Variants in TUBGCP5 observed in about 807,000 individuals in gnomAD.
The protein encoded by TUBGCP5 is tubulin gamma complex component 5.
In TUBGCP5, 98 loss-of-function variants were observed where a neutral mutation model predicts 134.7. That is an observed-to-expected ratio of 0.73 (90% confidence interval 0.62 to 0.86). The LOEUF (loss-of-function observed/expected upper bound fraction) is 0.86. TUBGCP5 is among the 40% of genes least tolerant of loss of function. The pLI is 0.00. For synonymous variants in TUBGCP5, 456 were observed against 431.4 expected (o/e 1.06, Z -0.71); for missense variants, 1,150 against 1,244.8 (o/e 0.92, Z 1.15).
intron 23 of TUBGCP5, among the ~76,000 whole-genome samples, chr15:22,989,577 T>C (rs1371573195): frequency 6.6e-6 from 1 of 152,204 alleles, no homozygotes; most frequent in African/African-American, 2.4e-5. Flanking sequence ...AGGGTCTCAC[T>C]TTGTTGTCCA....
rs954308671 is a variant in TUBGCP5 at position 23,013,401 on chromosome 15, G to A, written c.1757-2070C>T. Among the ~76,000 whole-genome samples the A allele has an allele frequency of 4.6e-5, 7 of 151,824 alleles. No individual in the cohort carries two copies. Among genetic ancestry groups the A allele is most frequent in the African/African-American group, 9.7e-5 (4 of 41,320 alleles). On this transcript the variant is annotated intron_variant, in intron 13 of 22. Coordinates refer to ENST00000615383, the MANE Select transcript of TUBGCP5 (RefSeq NM_052903.6). This position sits in a 1 kb window ranked among gnomAD's most constrained non-coding sequence, Gnocchi z 4.5. ...GCGAAGTTCGCAGTGAGCCGAGATC[G>A]CGCCGCTGCACTCCAGCCTGGGCGA...
chr15:23,022,289 C>A, intron 10 of TUBGCP5, 128 bp from the exon 11 acceptor site: 1 of 896,938 alleles, frequency 1.1e-6, no homozygotes, highest in Non-Finnish European at 1.8e-6. Flanking sequence ...GGATTTTAAT[C>A]TCATACCACA....
chr15:22,995,980 C>T (rs1255193989), downstream of TUBGCP5, among the ~76,000 whole-genome samples: 1 of 152,146 alleles, frequency 6.6e-6, no homozygotes, highest in African/African-American at 2.4e-5. Context: ...AGCTGAACTG[C>T]ATTCCACTGC....
intron 15 of TUBGCP5, among the ~76,000 whole-genome samples, chr15:23,009,273 A>ATTT (rs536559427): frequency 0.13 from 19,360 of 145,302 alleles, 1,638 homozygotes; most frequent in East Asian, 0.44. Context: ...AATTGCCATA[A>ATTT]TTTTTTTTTT....
At chr15:23,011,095 C>T (rs938429263) in intron 14 of TUBGCP5, 38 bp downstream of exon 14, 2 of 1,596,908 alleles carry the variant, frequency 1.3e-6, no homozygotes, top group Non-Finnish European at 1.7e-6. Flanking sequence ...ACAAATGATG[C>T]CATTTCAATT....
At chr15:23,016,992 A>G (rs528076957) in intron 13 of TUBGCP5, among the ~76,000 whole-genome samples, 4 of 148,338 alleles carry the variant, frequency 2.7e-5, no homozygotes, top group Non-Finnish European at 6.0e-5. Flanking sequence ...ATATATGTAT[A>G]TATCTTGAAG....
chr15:23,026,802 A>G (rs6606799), intron 7 of TUBGCP5, among the ~76,000 whole-genome samples: 20,416 of 151,940 alleles, frequency 0.13, 1,796 homozygotes, highest in East Asian at 0.46. Flanking sequence ...GCATGGTGGC[A>G]TGCACCTATA....
At chr15:23,033,355 G>T (rs186553242) in intron 3 of TUBGCP5, among the ~76,000 whole-genome samples, 1 of 151,590 alleles carries the variant, frequency 6.6e-6, no homozygotes, top group Non-Finnish European at 1.5e-5. Context: ...TCAGCTCACC[G>T]CAACCTCAGC....
In TUBGCP5 at chr15:23,005,745, G is replaced by A. The variant is rs559344500; in HGVS notation, c.2534-135C>T. The A allele has an allele frequency of 6.5e-4, 591 of 907,716 alleles. 15 individuals carry two copies. In the South Asian group the frequency reaches 8.6e-3, roughly 13 times the overall value. The allele number at this position is 907,716 out of a possible 1,614,324, so 56.2% of individuals were successfully genotyped here. A position where few individuals can be genotyped will look rare whatever the true frequency, so the allele number is the denominator to read the frequency against. On this transcript the variant is annotated intron_variant, in intron 18 of 22. Coordinates refer to ENST00000615383, the MANE Select transcript of TUBGCP5 (RefSeq NM_052903.6). ...AGCACTGGCAGGGGTGGCAGGAACC[G>A]AACCTCAGTGCCTCTGGAAGGTGCA...
intron 5 of TUBGCP5, among the ~76,000 whole-genome samples, chr15:23,031,274 G>A (rs2066293841): frequency 1.3e-5 from 2 of 151,642 alleles, no homozygotes; most frequent in Non-Finnish European, 2.9e-5. Context: ...AAAGTCCCAA[G>A]ATCACAGGTC....
At chr15:23,024,376 T>C in intron 9 of TUBGCP5, 183 bp from the exon 10 acceptor site, 1 of 614,918 alleles carries the variant, frequency 1.6e-6, no homozygotes. Flanking sequence ...GAACAATAAT[T>C]TCAACAGACT....
In TUBGCP5 at chr15:23,022,151, TA is replaced by T. The variant is rs779540642; in HGVS notation, c.1178del (p.Ile393LysfsTer5). 8 of 1,613,994 alleles carry T rather than the reference TA, an allele frequency of 5.0e-6. No individual in the cohort carries two copies. Among genetic ancestry groups the T allele is most frequent in the Non-Finnish European group, 8.5e-7 (1 of 1,179,978 alleles). ...EKCIINNDTT[I>X]TLAIVVDKLA... ...ACTTGTCCACCACTATTGCAAGAGT[TA>T]TTGTAGTATCTGCAAATATCAATAA... On this transcript the variant is annotated frameshift_variant, in exon 11 of 23. Transcript: ENST00000615383. LOFTEE classifies it high-confidence loss of function.
intron 15 of TUBGCP5, among the ~76,000 whole-genome samples, chr15:23,009,490 G>A (rs562152631): frequency 5.3e-5 from 8 of 152,000 alleles, no homozygotes; most frequent in South Asian, 4.2e-4. Flanking sequence ...GGATGCTCTC[G>A]ATCTCCTGAT....
intron 3 of TUBGCP5, among the ~76,000 whole-genome samples, chr15:23,033,125 G>C (rs1472004468): frequency 1.3e-5 from 2 of 152,032 alleles, no homozygotes; most frequent in Non-Finnish European, 2.9e-5. Flanking sequence ...TAACATTATG[G>C]TTAAAAATTA....
chr15:23,039,389 G>T lies in TUBGCP5; in HGVS notation c.146+9C>A. 6.9e-7 allele frequency: 1 copy of T among 1,449,820 alleles called. No homozygotes were observed. The highest frequency in any genetic ancestry group is 9.2e-7 in the Non-Finnish European group (1 of 1,089,404). 89.8% of individuals were successfully genotyped at this position (1,449,820 alleles called of 1,614,324 possible). The stretch of plus-strand genomic sequence containing the variant: ...GGCCGGGAACCCGCCCGCGCGCCGT[G>T]CCCCACACCTGAAGTTGGACCAGGC... On this transcript the variant is annotated intron_variant, in intron 1 of 22. Transcript: ENST00000615383.
At chr15:22,985,357 T>G (rs1490785422) in intron 23 of TUBGCP5, among the ~76,000 whole-genome samples, 1 of 149,380 alleles carries the variant, frequency 6.7e-6, no homozygotes, top group Non-Finnish European at 1.5e-5. Context: ...TAGCTGGGAT[T>G]ACAGGCATGC....
At position 23,005,456 on chromosome 15, in the gene TUBGCP5, G is replaced by A; in HGVS notation, c.2688C>T (p.Ser896=). 1 of 1,614,138 alleles carries A rather than the reference G, an allele frequency of 6.2e-7. No homozygotes were observed. Among genetic ancestry groups the A allele is most frequent in the Non-Finnish European group, 8.5e-7 (1 of 1,180,008 alleles). The change falls in exon 19 of 23, where the codon AGC becomes AGT. Residue 896 remains serine, a synonymous_variant. Coordinates refer to ENST00000615383, the MANE Select transcript of TUBGCP5 (RefSeq NM_052903.6). The part of the protein sequence containing the change: ...LRVKLMHFVN[S]LHNYIMTRIL... Reference sequence around the variant, plus strand: ...CCCTGGTCATGATGTAGTTGTGCAAGCTGTTCACGAAATGCATGAGCTTCA... The same window carrying A: ...CCCTGGTCATGATGTAGTTGTGCAAACTGTTCACGAAATGCATGAGCTTCA...
rs2065162736 is a variant in TUBGCP5, at chr15:23,013,656, TAC to T, written c.1757-2327_1757-2326del. On this transcript the variant is annotated intron_variant, in intron 13 of 22. Transcript: ENST00000615383. The surrounding 1 kb of genome is among the most constrained non-coding windows in gnomAD (Gnocchi z 4.5). ...AAACCCACCAGCCCCCACAAACACCTACAGTCATTACTACAGGAGGATTCCAC... is the reference window on the plus strand; with the variant it reads ...AAACCCACCAGCCCCCACAAACACCTAGTCATTACTACAGGAGGATTCCAC... Among the ~76,000 whole-genome samples, 1 of 152,098 alleles carries T rather than the reference TAC, an allele frequency of 6.6e-6. No individual in the cohort carries two copies. The highest frequency in any genetic ancestry group is 2.4e-5 in the African/African-American group (1 of 41,422).
At chr15:22,988,508 C>T (rs11263672) in intron 23 of TUBGCP5, among the ~76,000 whole-genome samples, 13,787 of 151,358 alleles carry the variant, frequency 0.091, 776 homozygotes, top group South Asian at 0.17. Flanking sequence ...CCAAGGCGGG[C>T]GTATCACGAG....
Sources: allele counts gnomAD v4.1 joint callset (sites outside exome capture counted in the v4.1 genomes callset), GRCh38; gene constraint gnomAD v4.1.1; non-coding constraint Gnocchi (gnomAD v3.1); transcripts MANE v1.5; gene names NCBI Gene and HGNC (gene_info 2026-07-23, HGNC 2026-07-21).